The following MSRA variants were observed in gnomAD, a reference collection of about 807,000 sequenced individuals.
MSRA encodes mitochondrial peptide methionine sulfoxide reductase.
In MSRA, 54 loss-of-function variants were observed where a neutral mutation model predicts 31.3. The ratio of observed to expected loss-of-function variants is 1.73; its 90% CI spans 1.39 to 2.17. The LOEUF is 2.17. MSRA is among the 30% of genes most tolerant of loss of function. MSRA has a pLI of 0.00. For synonymous variants in MSRA, 169 were observed against 116.5 expected (o/e 1.45, Z -2.90); for missense variants, 507 against 300.9 (o/e 1.69, Z -5.07).
At chr8:10,366,212 G>T (rs554661198) in intron 5 of MSRA, among the ~76,000 whole-genome samples, 1 of 152,238 alleles carries the variant, frequency 6.6e-6, no homozygotes, top group Non-Finnish European at 1.5e-5. Context: ...TTCATGTTTC[G>T]TTTAGGGAAG....
At chr8:10,307,437 G>T (rs1801200688) in intron 4 of MSRA, among the ~76,000 whole-genome samples, 1 of 152,180 alleles carries the variant, frequency 6.6e-6, no homozygotes, top group African/African-American at 2.4e-5. Context: ...AAAGTTCTGG[G>T]ATGACAGAGG....
At chr8:10,357,794 T>A in intron 5 of MSRA, among the ~76,000 whole-genome samples, 1 of 152,328 alleles carries the variant, frequency 6.6e-6, no homozygotes, top group Non-Finnish European at 1.5e-5. Context: ...GTGCGTATGT[T>A]GGGGAGGGAG....
In MSRA at chr8:10,054,571, C is replaced by A. The variant is rs1563377057; in HGVS notation, c.55C>A (p.Pro19Thr). Residue 19 changes from proline (P) to threonine (T), a missense_variant, in exon 1 of 6, where the codon CCC (proline) becomes ACC (threonine). Pro to Thr is a conservative substitution (Grantham distance 38). Transcript: ENST00000317173. Reference sequence around the variant, plus strand: ...GCTCCTCCTCCTCCACAGCCTCTTTCCCGTCCCGAGGATGGGCAACTCGGC... The same window carrying A: ...GCTCCTCCTCCTCCACAGCCTCTTTACCGTCCCGAGGATGGGCAACTCGGC... The part of the protein sequence containing the change: ...CQLLLLHSLF[P>T]VPRMGNSASN... 3 of 1,587,238 alleles carry A rather than the reference C, an allele frequency of 1.9e-6. No homozygotes were observed. The highest frequency in any genetic ancestry group is 2.6e-6 in the Non-Finnish European group (3 of 1,167,088).
chr8:10,183,067 C>T (rs947126470), intron 1 of MSRA, among the ~76,000 whole-genome samples: 3 of 152,204 alleles, frequency 2.0e-5, no homozygotes, highest in African/African-American at 7.2e-5. Flanking sequence ...TTATCGTCTC[C>T]ACTGATGCTA....
chr8:10,314,682 A>G (rs1186232224), intron 4 of MSRA, among the ~76,000 whole-genome samples: 2 of 152,240 alleles, frequency 1.3e-5, no homozygotes, highest in South Asian at 2.1e-4. Flanking sequence ...ATGCATATGT[A>G]TAAGAGAATA....
chr8:10,411,895 CG>C (rs35220360), intron 5 of MSRA, among the ~76,000 whole-genome samples: 42,190 of 152,026 alleles, frequency 0.28, 6,171 homozygotes, highest in Non-Finnish European at 0.33. Flanking sequence ...CCAGGGGTGG[CG>C]AACAGCCCTG....
intron 1 of MSRA, among the ~76,000 whole-genome samples, chr8:10,136,279 A>G (rs1041713927): frequency 1.3e-5 from 2 of 152,176 alleles, no homozygotes; most frequent in African/African-American, 4.8e-5. Flanking sequence ...GTCCTTATCT[A>G]TCTCAACTAG....
At chr8:10,087,642 A>C (rs1054394415) in intron 1 of MSRA, among the ~76,000 whole-genome samples, 3 of 152,136 alleles carry the variant, frequency 2.0e-5, no homozygotes, top group African/African-American at 7.2e-5. Flanking sequence ...TGTTCTTGAT[A>C]TGGTTGGGAG....
At chr8:10,127,234 C>G (rs1250157572) in intron 1 of MSRA, among the ~76,000 whole-genome samples, 1 of 152,136 alleles carries the variant, frequency 6.6e-6, no homozygotes, top group East Asian at 1.9e-4. Context: ...TATTGGAACG[C>G]TAAGCATGTG....
chr8:10,360,751 A>G (rs892684340), intron 5 of MSRA, among the ~76,000 whole-genome samples: 2 of 152,242 alleles, frequency 1.3e-5, no homozygotes, highest in Admixed American at 1.3e-4. Context: ...TTTGGGCGAC[A>G]GGGATGTACT....
Position 10,254,665 on chromosome 8 carries a change from G to C in MSRA, c.331+9442G>C, listed in dbSNP as rs985892073. ...GCACAGTTAGTCAGTGTGCCACCTGGCTCATTAGAGGTTTTGACAATCTCC... is the reference window on the plus strand; with the variant it reads ...GCACAGTTAGTCAGTGTGCCACCTGCCTCATTAGAGGTTTTGACAATCTCC... On this transcript the variant is annotated intron_variant, in intron 3 of 5. Transcript: ENST00000317173. 1.2e-4 allele frequency among the ~76,000 whole-genome samples: 18 copies of C among 152,176 alleles called. 1 individual carries two copies. The highest frequency in any genetic ancestry group is 8.5e-4 in the Admixed American group (13 of 15,284).
intron 2 of MSRA, among the ~76,000 whole-genome samples, chr8:10,233,819 A>G (rs949167499): frequency 1.3e-5 from 2 of 152,242 alleles, no homozygotes; most frequent in Non-Finnish European, 2.9e-5. Flanking sequence ...GTGAATCATC[A>G]TATTCAAAGT....
chr8:10,067,874 GTTTTTTTTTTTTTT>G (rs71203303), intron 1 of MSRA, among the ~76,000 whole-genome samples: 64 of 49,430 alleles, frequency 1.3e-3, no homozygotes, highest in Middle Eastern at 0.021. Flanking sequence ...TTCTTACTGA[GTTTTTTTTTTTTTT>G]TTTTTTTTTT....
chr8:10,238,355 C>G (rs942976154), intron 2 of MSRA, among the ~76,000 whole-genome samples: 1 of 152,194 alleles, frequency 6.6e-6, no homozygotes, highest in Admixed American at 6.5e-5. Context: ...TTTTTTATAG[C>G]TCTTGTTACC....
intron 1 of MSRA, among the ~76,000 whole-genome samples, chr8:10,078,986 G>A (rs1021732849): frequency 3.3e-5 from 5 of 152,154 alleles, no homozygotes; most frequent in African/African-American, 1.2e-4. Context: ...TGCTAGGGCC[G>A]CAGGCGTGCT....
chr8:10,357,994 C>T lies in MSRA; in HGVS notation c.543+38005C>T, dbSNP rs140647308. On this transcript the variant is annotated intron_variant, in intron 5 of 5. Coordinates refer to ENST00000317173, the MANE Select transcript of MSRA (RefSeq NM_012331.5). The stretch of plus-strand genomic sequence containing the variant: ...CTAGAGTGCAGTGGTGCTATCTTGG[C>T]TCACTGCAACCTCTGCTTCCTGGGT... Among the ~76,000 whole-genome samples, 264 of 152,316 alleles carry T rather than the reference C, an allele frequency of 1.7e-3. 4 individuals are homozygous for T. The highest frequency in any genetic ancestry group is 6.0e-3 in the African/African-American group (249 of 41,580).
At chr8:10,295,954 G>T (rs939750777) in intron 3 of MSRA, among the ~76,000 whole-genome samples, 2 of 152,112 alleles carry the variant, frequency 1.3e-5, no homozygotes, top group African/African-American at 2.4e-5. Context: ...TTTCTGCCTG[G>T]ATTAAACACT....
At chr8:10,282,375 T>G (rs538986307) in intron 3 of MSRA, among the ~76,000 whole-genome samples, 5 of 152,384 alleles carry the variant, frequency 3.3e-5, no homozygotes, top group East Asian at 1.9e-4. Flanking sequence ...CCCAGAAATA[T>G]AATTTATACT....
At chr8:10,109,039 G>A (rs868622047) in intron 1 of MSRA, among the ~76,000 whole-genome samples, 1 of 152,196 alleles carries the variant, frequency 6.6e-6, no homozygotes, top group African/African-American at 2.4e-5. Flanking sequence ...AAGTTTTTCA[G>A]TTCAATTAGA....
Sources: gnomAD v4.1 joint callset for allele counts (sites outside exome capture counted in the v4.1 genomes callset) on GRCh38, gnomAD v4.1.1 for gene constraint, MANE v1.5 for transcripts, NCBI Gene and HGNC (gene_info 2026-07-23, HGNC 2026-07-21) for gene names.